Variants in CD8B observed in about 807,000 individuals in gnomAD.
The protein encoded by CD8B is T-cell surface glycoprotein CD8 beta chain.
Under a neutral mutation model 24.2 loss-of-function variants are expected in CD8B, and 6 were observed. The ratio of observed to expected loss-of-function variants is 0.25; its 90% CI spans 0.14 to 0.49. The LOEUF (loss-of-function observed/expected upper bound fraction) is 0.49, where lower values mean the gene tolerates loss of function less well. Ranked by LOEUF, CD8B falls within the 20% of genes least tolerant of loss-of-function variation. The pLI is 0.98. For missense variants in CD8B, 196 were observed against 271.3 expected, an observed-to-expected ratio of 0.72 and a Z score of 1.95; for synonymous variants, 84 against 108.3, an observed-to-expected ratio of 0.78 and a Z score of 1.39.
chr2:86,861,347 C>G (rs1435751455), intron 1 of CD8B, among the ~76,000 whole-genome samples: 1 of 152,104 alleles, frequency 6.6e-6, no homozygotes, highest in Non-Finnish European at 1.5e-5. Flanking sequence ...TCACCCTGCC[C>G]TAGCCCTCCG....
intron 3 of CD8B, 128 bp downstream of exon 3, chr2:86,852,869 G>A: frequency 6.9e-7 from 1 of 1,442,202 alleles, no homozygotes; most frequent in Non-Finnish European, 9.3e-7. Flanking sequence ...TCTGACCCTA[G>A]CTTAGGCCGG....
At chr2:86,823,461 G>A (rs758031963) in intron 5 of CD8B, among the ~76,000 whole-genome samples, 31 of 151,904 alleles carry the variant, frequency 2.0e-4, no homozygotes, top group Non-Finnish European at 4.0e-4. Context: ...TTAATTTTTT[G>A]TGGAGATGAG....
intron 5 of CD8B, among the ~76,000 whole-genome samples, chr2:86,825,621 G>C (rs1049482618): frequency 2.6e-5 from 4 of 152,178 alleles, no homozygotes; most frequent in African/African-American, 9.7e-5. Context: ...ATGTCCCAGA[G>C]CTCCAGCCAG....
intron 5 of CD8B, among the ~76,000 whole-genome samples, chr2:86,829,674 G>A (rs1674831350): frequency 6.6e-6 from 1 of 152,152 alleles, no homozygotes; most frequent in Non-Finnish European, 1.5e-5. Context: ...ACGCTACCCT[G>A]TAAAATCACC....
chr2:86,833,115 A>C, intron 5 of CD8B: 1 of 314,124 alleles, frequency 3.2e-6, no homozygotes. Flanking sequence ...TGTTACAAAA[A>C]AGGATAGTTT....
downstream of CD8B, among the ~76,000 whole-genome samples, chr2:86,833,635 C>CCTTCCTTCCTTCCTTCCTT (rs1558752314): frequency 5.5e-5 from 4 of 72,284 alleles, 1 homozygote; most frequent in Non-Finnish European, 1.5e-4. Context: ...CTCCCTCCCT[C>CCTTCCTTCCTTCCTTCCTT]CCTCCCTTCC....
intron 3 of CD8B, among the ~76,000 whole-genome samples, chr2:86,852,348 T>C (rs1208486340): frequency 6.6e-6 from 1 of 152,230 alleles, no homozygotes; most frequent in Non-Finnish European, 1.5e-5. Context: ...AATTTACGTA[T>C]AAAGTCCCCT....
intron 1 of CD8B, among the ~76,000 whole-genome samples, chr2:86,860,184 C>T (rs1266643292): frequency 1.3e-5 from 2 of 152,272 alleles, no homozygotes; most frequent in African/African-American, 4.8e-5. Context: ...GCAGGAGAAT[C>T]GCTTGAACCC....
At chr2:86,857,536 T>C (rs945173479) in intron 2 of CD8B, among the ~76,000 whole-genome samples, 1 of 152,008 alleles carries the variant, frequency 6.6e-6, no homozygotes, top group Non-Finnish European at 1.5e-5. Flanking sequence ...CTGGCCAACA[T>C]GGTGAAATCT....
intron 1 of CD8B, among the ~76,000 whole-genome samples, chr2:86,859,437 GTCT>G (rs773147206): frequency 1.1e-4 from 17 of 152,178 alleles, no homozygotes; most frequent in Admixed American, 2.0e-4. Flanking sequence ...CCGAGCCTCT[GTCT>G]TCTTATGAAC....
chr2:86,838,903 T>C lies in CD8B; in HGVS notation c.*3404A>G, dbSNP rs1675293837. ...TCTTGAAGTATAATTTACATCTATA[T>C]CCATAGCTCTAAAGTCAACATATCT... On this transcript the variant is annotated 3_prime_UTR_variant, in exon 6 of 6. Transcript: ENST00000390655. Among the ~76,000 whole-genome samples the C allele has an allele frequency of 6.6e-6, 1 of 152,218 alleles. No homozygotes were observed. The highest frequency in any genetic ancestry group is 1.5e-5 in the Non-Finnish European group (1 of 68,042).
At chr2:86,826,914 C>T (rs554116285) in intron 5 of CD8B, among the ~76,000 whole-genome samples, 4 of 151,570 alleles carry the variant, frequency 2.6e-5, no homozygotes, top group Non-Finnish European at 4.4e-5. Context: ...CTCTGCCTCT[C>T]GGGTTCAAGC....
Position 86,838,650 on chromosome 2 carries a change from C to G in CD8B, c.*3657G>C, listed in dbSNP as rs1675283878. 6.6e-6 allele frequency among the ~76,000 whole-genome samples: 1 copy of G among 152,168 alleles called. No individual in the cohort carries two copies. The highest frequency in any genetic ancestry group is 2.1e-4 in the South Asian group (1 of 4,810). ...AATAGCTGGGACTACAGGCAAGCAC[C>G]ACCATGCCCAGAAAAAAATTTAAAA... On this transcript the variant is annotated 3_prime_UTR_variant, in exon 6 of 6. Coordinates refer to ENST00000390655, the MANE Select transcript of CD8B (RefSeq NM_004931.5).
chr2:86,838,243 G>C lies in CD8B; in HGVS notation c.*4064C>G, dbSNP rs1675257189. The stretch of plus-strand genomic sequence containing the variant: ...GATGTAAAAATTCACACAAGGAACT[G>C]TACAAAGCAGAAGTGGAAATTCCGC... On this transcript the variant is annotated 3_prime_UTR_variant, in exon 6 of 6. Transcript: ENST00000390655. Among the ~76,000 whole-genome samples, 1 of 152,168 alleles carries C rather than the reference G, an allele frequency of 6.6e-6. No individual in the cohort carries two copies. The highest frequency in any genetic ancestry group is 6.5e-5 in the Admixed American group (1 of 15,276).
chr2:86,828,405 G>T (rs1674775992), intron 5 of CD8B, among the ~76,000 whole-genome samples: 1 of 151,298 alleles, frequency 6.6e-6, no homozygotes. Flanking sequence ...TTTATATTTT[G>T]GAAAATTTTA....
chr2:86,815,685 G>T lies in CD8B; in HGVS notation c.654C>A (p.Val218=), dbSNP rs139050200. The change falls in exon 6 of 6, where the codon GTC becomes GTA. Residue 218 remains valine (V), a synonymous_variant. Transcript: ENST00000331469. ...TGTAGTATCCATGCAGGCATTGGGG[G>T]ACAAAGGTTCCTGATATACCTTCCC... 1.9e-5 allele frequency: 31 copies of T among 1,612,400 alleles called. No individual in the cohort carries two copies. Among genetic ancestry groups the T allele is most frequent in the African/African-American group, 1.5e-4 (11 of 74,880 alleles).
At position 86,849,753 on chromosome 2, in the gene CD8B, G is replaced by C. The variant is rs200481870; in HGVS notation, c.494-2980C>G. ...GGGTCTTGCTCTGTCGCCCAGGCTG[G>C]AGTGCAATGGCGTGATCTCGGCTCA... On this transcript the variant is annotated intron_variant, in intron 3 of 5. Coordinates refer to ENST00000390655, the MANE Select transcript of CD8B (RefSeq NM_004931.5). Among the ~76,000 whole-genome samples the C allele has an allele frequency of 1.2e-4, 18 of 150,250 alleles. No individual in the cohort carries two copies. The South Asian group carries it at 3.8e-3, about 32-fold the overall frequency.
chr2:86,821,438 C>T (rs1439797620), intron 5 of CD8B, among the ~76,000 whole-genome samples: 1 of 152,224 alleles, frequency 6.6e-6, no homozygotes, highest in Non-Finnish European at 1.5e-5. Context: ...CTGTGAGGCA[C>T]TCAGCCGACG....
intron 2 of CD8B, among the ~76,000 whole-genome samples, chr2:86,853,398 T>C (rs1676072818): frequency 6.6e-6 from 1 of 152,074 alleles, no homozygotes; most frequent in African/African-American, 2.4e-5. Flanking sequence ...GCCATGATCA[T>C]GCAACTGCAC....
Sources: allele counts gnomAD v4.1 joint callset (sites outside exome capture counted in the v4.1 genomes callset), GRCh38; gene constraint gnomAD v4.1.1; transcripts MANE v1.5; gene names NCBI Gene and HGNC (gene_info 2026-07-23, HGNC 2026-07-21).